LRMDA: variants seen among roughly 807,000 people sequenced by gnomAD.
The protein encoded by LRMDA is leucine-rich melanocyte differentiation-associated protein.
A neutral mutation model predicts 29.8 loss-of-function variants in LRMDA; 18 were observed. That is an observed-to-expected ratio of 0.60 (90% CI 0.42 to 0.90). The LOEUF is 0.90. Among genes scored for constraint, LRMDA ranks in the 40% least tolerant of loss-of-function variants. LRMDA has a pLI of 0.00. For synonymous variants in LRMDA, 125 were observed against 109.4 expected (o/e 1.14, Z -0.89); for missense variants, 273 against 273.9 (o/e 1.00, Z 0.02).
At position 76,036,256 on chromosome 10, in the gene LRMDA, T is replaced by G. The variant is rs1848243636; in HGVS notation, c.258+122T>G. The G allele has an allele frequency of 4.9e-6, 5 of 1,020,074 alleles. No individual in the cohort carries two copies. In the East Asian group the frequency reaches 1.3e-4, roughly 27 times the overall value. The allele number at this position is 1,020,074 out of a possible 1,614,324, so 63.2% of individuals were successfully genotyped here. On this transcript the variant is annotated intron_variant, in intron 3 of 6. Transcript: ENST00000611255. ...GTTTTACGTGTCAGCTAAATTAAAG[T>G]ATGTGAAATACAGTTCGTGGGCAGA...
chr10:76,385,109 T>A (rs528697374), intron 6 of LRMDA, among the ~76,000 whole-genome samples: 1 of 152,306 alleles, frequency 6.6e-6, no homozygotes, highest in Non-Finnish European at 1.5e-5. Context: ...AGTATTAGAT[T>A]GGACCGGAAA....
chr10:75,816,605 A>G (rs1282832624), intron 2 of LRMDA, among the ~76,000 whole-genome samples: 1 of 152,166 alleles, frequency 6.6e-6, no homozygotes, highest in Non-Finnish European at 1.5e-5. Context: ...TTGTTCTAAT[A>G]TGGTTTGGTC....
chr10:76,111,998 T>C (rs1349739945), intron 5 of LRMDA, among the ~76,000 whole-genome samples: 1 of 152,232 alleles, frequency 6.6e-6, no homozygotes, highest in East Asian at 1.9e-4. Flanking sequence ...TGAAAATCTT[T>C]AATGTAATTA....
At chr10:76,540,784 T>C (rs10824423) in intron 6 of LRMDA, among the ~76,000 whole-genome samples, 62,678 of 152,082 alleles carry the variant, frequency 0.41, 13,925 homozygotes, top group African/African-American at 0.54. Flanking sequence ...TGTATTTGTT[T>C]TGTTTTACTG....
chr10:76,115,729 T>C (rs1394626620), intron 5 of LRMDA, among the ~76,000 whole-genome samples: 2 of 152,072 alleles, frequency 1.3e-5, no homozygotes, highest in Admixed American at 6.6e-5. Flanking sequence ...CAGCTCCGGC[T>C]GTTATATGAT....
At chr10:76,049,535 T>A (rs1165118842) in intron 4 of LRMDA, among the ~76,000 whole-genome samples, 1 of 152,194 alleles carries the variant, frequency 6.6e-6, no homozygotes, top group African/African-American at 2.4e-5. Flanking sequence ...AATCTCTTTA[T>A]TTTTTACTGT....
chr10:75,947,949 G>A (rs1311212320), intron 2 of LRMDA, among the ~76,000 whole-genome samples: 2 of 152,130 alleles, frequency 1.3e-5, no homozygotes, highest in East Asian at 3.9e-4. Flanking sequence ...CTGTATTTTT[G>A]TTGAGGGCAG....
intron 6 of LRMDA, among the ~76,000 whole-genome samples, chr10:76,539,459 A>G (rs1360345867): frequency 6.6e-6 from 1 of 152,168 alleles, no homozygotes; most frequent in Non-Finnish European, 1.5e-5. Context: ...CAATAGCACT[A>G]GGAACTGGAG....
rs141131236 is a variant in LRMDA, at chr10:76,365,107, T to TATATATATATATATACAC, written c.601+40623_601+40624insTATATATATATATACACA. ...ACACATATATATATATATATATATATACACACACACACATACACACCACAG... is the reference window on the plus strand; with the variant it reads ...ACACATATATATATATATATATATATATATATATATATATACACACACACACACACATACACACCACAG... On this transcript the variant is annotated intron_variant, in intron 6 of 6. Coordinates refer to ENST00000611255, the MANE Select transcript of LRMDA (RefSeq NM_001305581.2). Among the ~76,000 whole-genome samples, 155 of 61,216 alleles carry TATATATATATATATACAC rather than the reference T, an allele frequency of 2.5e-3. 6 individuals are homozygous for TATATATATATATATACAC. Among genetic ancestry groups the TATATATATATATATACAC allele is most frequent in the African/African-American group, 4.2e-3 (90 of 21,494 alleles). 40.2% of individuals were successfully genotyped at this position (61,216 alleles called of 152,430 possible).
intron 6 of LRMDA, among the ~76,000 whole-genome samples, chr10:76,530,942 T>G (rs1415229586): frequency 9.9e-5 from 15 of 152,210 alleles, no homozygotes. Context: ...TCAATGCTGA[T>G]GTAGAAGATA....
intron 6 of LRMDA, among the ~76,000 whole-genome samples, chr10:76,457,079 C>T (rs1842464338): frequency 6.6e-6 from 1 of 152,178 alleles, no homozygotes; most frequent in Non-Finnish European, 1.5e-5. Flanking sequence ...CAAGAACTGT[C>T]ATGACCCTGT....
intron 2 of LRMDA, among the ~76,000 whole-genome samples, chr10:75,658,395 G>GAA (rs1841706686): frequency 6.6e-6 from 1 of 151,942 alleles, no homozygotes; most frequent in Non-Finnish European, 1.5e-5. Context: ...AGACTGGAGT[G>GAA]TTCAGACTAG....
At chr10:75,494,490 G>A (rs933937889) in intron 2 of LRMDA, among the ~76,000 whole-genome samples, 23 of 145,784 alleles carry the variant, frequency 1.6e-4, no homozygotes, top group African/African-American at 4.8e-4. Flanking sequence ...GTTACCAGCC[G>A]CTAAAACAAG....
rs573259517 is a variant in LRMDA at position 76,402,961 on chromosome 10, T to A, written c.601+78476T>A. ...GCTTTGCAAATGAGATTGGTTCCTT[T>A]CCCACAGAACCTCAAGGACTGTTGG... is the stretch of plus-strand genomic sequence containing the variant. On this transcript the variant is annotated intron_variant, in intron 6 of 6. Coordinates refer to ENST00000611255, the MANE Select transcript of LRMDA (RefSeq NM_001305581.2). 1.9e-4 allele frequency among the ~76,000 whole-genome samples: 29 copies of A among 152,070 alleles called. No individual in the cohort carries two copies. In the South Asian group the frequency reaches 2.5e-3, roughly 13 times the overall value.
chr10:75,545,890 G>T (rs1840075551), intron 2 of LRMDA, among the ~76,000 whole-genome samples: 1 of 152,132 alleles, frequency 6.6e-6, no homozygotes, highest in African/African-American at 2.4e-5. Flanking sequence ...TGAGAGCTCT[G>T]GATTCTGGAA....
At chr10:76,269,282 A>G (rs936284761) in intron 5 of LRMDA, among the ~76,000 whole-genome samples, 37 of 152,244 alleles carry the variant, frequency 2.4e-4, no homozygotes, top group African/African-American at 8.7e-4. Flanking sequence ...GATGTCCAAT[A>G]AATTTTACAT....
At chr10:75,454,025 T>C (rs763524781) in intron 2 of LRMDA, among the ~76,000 whole-genome samples, 16 of 152,252 alleles carry the variant, frequency 1.1e-4, no homozygotes, top group African/African-American at 2.9e-4. Context: ...AGAAATGTCA[T>C]TGGACAAAAG....
intron 5 of LRMDA, among the ~76,000 whole-genome samples, chr10:76,167,338 T>A (rs10824377): frequency 0.19 from 28,867 of 152,196 alleles, 3,186 homozygotes; most frequent in East Asian, 0.52. Flanking sequence ...CAATTTTTGC[T>A]TTTGTTGCAA....
Position 76,260,416 on chromosome 10 carries a change from T to C in LRMDA, c.517-63985T>C, listed in dbSNP as rs559642067. Among the ~76,000 whole-genome samples, 50 of 152,318 alleles carry C rather than the reference T, an allele frequency of 3.3e-4. No individual in the cohort carries two copies. In the South Asian group the frequency reaches 6.4e-3, roughly 20 times the overall value. On this transcript the variant is annotated intron_variant, in intron 5 of 6. Coordinates refer to ENST00000611255, the MANE Select transcript of LRMDA (RefSeq NM_001305581.2). ...TTAGTTTTAGCTTGTCTGAAAAAGA[T>C]TTTATTTCTTCTTAATTTCTAAAGG...
Sources: allele counts gnomAD v4.1 joint callset (sites outside exome capture counted in the v4.1 genomes callset), GRCh38; gene constraint gnomAD v4.1.1; transcripts MANE v1.5; gene names NCBI Gene and HGNC (gene_info 2026-07-23, HGNC 2026-07-21).